The following KCNN2 variants were observed in gnomAD, a reference collection of about 807,000 sequenced individuals.
The protein encoded by KCNN2 is potassium calcium-activated channel subfamily N member 2, also known as small conductance calcium-activated potassium channel protein 2.
In KCNN2, 24 loss-of-function variants were observed where a neutral mutation model predicts 55.5. The observed-to-expected ratio is 0.43, with a 90% CI of 0.31 to 0.61. KCNN2 has a LOEUF of 0.61. KCNN2 is among the 20% of genes least tolerant of loss of function. The pLI, the probability that KCNN2 is intolerant of heterozygous loss-of-function variation, is 0.08. For synonymous variants in KCNN2, 431 were observed against 336.1 expected (o/e 1.28, Z -3.09); for missense variants, 754 against 853.6 (o/e 0.88, Z 1.45).
At chr5:114,306,376 A>G (rs970705509) in intron 2 of KCNN2, among the ~76,000 whole-genome samples, 5 of 152,188 alleles carry the variant, frequency 3.3e-5, no homozygotes, top group Admixed American at 1.3e-4. Context: ...GGCCAAACAG[A>G]TAAATTGAAT....
chr5:114,445,001 A>G (rs1760349796), intron 3 of KCNN2, among the ~76,000 whole-genome samples: 1 of 152,196 alleles, frequency 6.6e-6, no homozygotes, highest in Non-Finnish European at 1.5e-5. Context: ...TAGAACACAA[A>G]GTTTAGATGG....
At chr5:114,315,541 T>C (rs1454264881) in intron 2 of KCNN2, among the ~76,000 whole-genome samples, 1 of 152,058 alleles carries the variant, frequency 6.6e-6, no homozygotes, top group Non-Finnish European at 1.5e-5. Flanking sequence ...TTTTATTACT[T>C]ATTTTAGTGG....
In KCNN2 at chr5:114,292,838, A is replaced by C. The variant is rs146147766; in HGVS notation, c.-184-68107A>C. Among the ~76,000 whole-genome samples, 739 of 152,248 alleles carry C rather than the reference A, an allele frequency of 4.9e-3. 8 individuals are homozygous for C. Among genetic ancestry groups the C allele is most frequent in the South Asian group, 0.031 (152 of 4,828 alleles). ...CTACCCATGAGCATGGAATATTCTT[A>C]CATTTGTTTGTATCCTCTTTTAATT... is the stretch of plus-strand genomic sequence containing the variant. On this transcript the variant is annotated intron_variant, in intron 2 of 10. Transcript: ENST00000512097.
At chr5:114,297,547 A>T (rs532937049) in intron 2 of KCNN2, among the ~76,000 whole-genome samples, 1 of 152,158 alleles carries the variant, frequency 6.6e-6, no homozygotes, top group Non-Finnish European at 1.5e-5. Context: ...AGTAATTTGC[A>T]ATATAACTCA....
intron 1 of KCNN2, among the ~76,000 whole-genome samples, chr5:114,110,810 T>C (rs1751580133): frequency 6.6e-6 from 1 of 152,078 alleles, no homozygotes; most frequent in African/African-American, 2.4e-5. Flanking sequence ...GACAGCTACT[T>C]ATCTTTCAAT....
intron 2 of KCNN2, among the ~76,000 whole-genome samples, chr5:114,299,804 C>A (rs1178769596): frequency 2.0e-5 from 3 of 152,178 alleles, no homozygotes; most frequent in Non-Finnish European, 4.4e-5. Context: ...GAGGCCATGG[C>A]AACCCAGTTA....
At position 114,496,342 on chromosome 5, in the gene KCNN2, A is replaced by G. The variant is rs1024505292; in HGVS notation, c.*160A>G. On this transcript the variant is annotated 3_prime_UTR_variant, in exon 8 of 8. Transcript: ENST00000673685. Reference sequence around the variant, plus strand: ...TAAGTTTTAGGCCAAAATGAGTGAAAACTCTTTTTTTTTCTTTCAGATGCA... The same window carrying G: ...TAAGTTTTAGGCCAAAATGAGTGAAGACTCTTTTTTTTTCTTTCAGATGCA... 2 of 712,132 alleles carry G rather than the reference A, an allele frequency of 2.8e-6. No homozygotes were observed. Among genetic ancestry groups the G allele is most frequent in the African/African-American group, 3.6e-5 (2 of 55,894 alleles). The allele number at this position is 712,132 out of a possible 1,614,324, so 44.1% of individuals were successfully genotyped here.
At chr5:114,274,657 A>T (rs1021377413) in intron 2 of KCNN2, among the ~76,000 whole-genome samples, 1 of 152,140 alleles carries the variant, frequency 6.6e-6, no homozygotes, top group Non-Finnish European at 1.5e-5. Context: ...GGTATATAGG[A>T]GTGCTTGTGA....
At chr5:114,091,373 T>C (rs1751141072) in intron 1 of KCNN2, among the ~76,000 whole-genome samples, 2 of 152,182 alleles carry the variant, frequency 1.3e-5, no homozygotes, top group Non-Finnish European at 2.9e-5. Context: ...TAGATATATA[T>C]AAATTCGGAG....
intron 2 of KCNN2, among the ~76,000 whole-genome samples, chr5:114,299,480 A>C (rs184924656): frequency 1.1e-3 from 166 of 152,336 alleles, no homozygotes; most frequent in African/African-American, 3.8e-3. Context: ...GAGCTTAAAC[A>C]CAATTCTCAG....
At chr5:114,408,406 G>A (rs948570173) in intron 3 of KCNN2, among the ~76,000 whole-genome samples, 16 of 152,052 alleles carry the variant, frequency 1.1e-4, no homozygotes, top group Non-Finnish European at 4.4e-5. Context: ...TCATGTCTCT[G>A]AACGTTTTTT....
intron 1 of KCNN2, among the ~76,000 whole-genome samples, chr5:114,167,060 C>T (rs1752927791): frequency 6.6e-6 from 1 of 152,126 alleles, no homozygotes; most frequent in African/African-American, 2.4e-5. Flanking sequence ...TTTGCGATAG[C>T]AGCCCAAACT....
At chr5:114,112,749 T>C (rs1338341201) in intron 1 of KCNN2, among the ~76,000 whole-genome samples, 1 of 152,102 alleles carries the variant, frequency 6.6e-6, no homozygotes, top group Admixed American at 6.6e-5. Flanking sequence ...CTATATTAAA[T>C]TGTGTTTTAT....
At chr5:114,206,040 G>C (rs1462541023) in intron 1 of KCNN2, among the ~76,000 whole-genome samples, 3 of 152,122 alleles carry the variant, frequency 2.0e-5, no homozygotes, top group South Asian at 4.1e-4. Flanking sequence ...CATAAAAATT[G>C]ATGTAGTTCT....
intron 2 of KCNN2, among the ~76,000 whole-genome samples, chr5:114,380,835 G>A (rs388084): frequency 0.54 from 81,349 of 151,898 alleles, 23,733 homozygotes; most frequent in African/African-American, 0.78. Flanking sequence ...AATGCAGGCC[G>A]TTATTACAGT....
intron 1 of KCNN2, among the ~76,000 whole-genome samples, chr5:114,181,233 A>C (rs1017423482): frequency 6.6e-6 from 1 of 152,176 alleles, no homozygotes; most frequent in Admixed American, 6.5e-5. Flanking sequence ...CATTTTTATG[A>C]GAGTTCAAGT....
intron 1 of KCNN2, among the ~76,000 whole-genome samples, chr5:114,178,735 C>T (rs1753183001): frequency 6.6e-6 from 1 of 152,202 alleles, no homozygotes; most frequent in African/African-American, 2.4e-5. Flanking sequence ...CATTTTATCT[C>T]ACTCTAAAAT....
At chr5:114,340,495 C>G (rs1756996334) in intron 2 of KCNN2, among the ~76,000 whole-genome samples, 1 of 151,972 alleles carries the variant, frequency 6.6e-6, no homozygotes, top group South Asian at 2.1e-4. Flanking sequence ...TAGCCATCTT[C>G]CATTAAAATT....
intron 1 of KCNN2, among the ~76,000 whole-genome samples, chr5:114,163,859 A>G (rs990975650): frequency 2.0e-5 from 3 of 152,244 alleles, no homozygotes; most frequent in African/African-American, 7.2e-5. Flanking sequence ...TATGGCTGTT[A>G]TTAATGAAAT....
Sources: gnomAD v4.1 joint callset for allele counts (sites outside exome capture counted in the v4.1 genomes callset) on GRCh38, gnomAD v4.1.1 for gene constraint, MANE v1.5 for transcripts, NCBI Gene and HGNC (gene_info 2026-07-23, HGNC 2026-07-21) for gene names.